The following UBE2E2 variants were observed in gnomAD, a reference collection of about 807,000 sequenced individuals.
The protein encoded by UBE2E2 is ubiquitin-conjugating enzyme E2 E2.
Under a neutral mutation model 24.7 loss-of-function variants are expected in UBE2E2, and 6 were observed. The ratio of observed to expected loss-of-function variants is 0.24; its 90% CI spans 0.13 to 0.48. The LOEUF is 0.48. Ranked by LOEUF, UBE2E2 falls within the 20% of genes least tolerant of loss-of-function variation. The pLI is 0.99. For missense variants in UBE2E2, 169 were observed against 245.0 expected, an observed-to-expected ratio of 0.69 and a Z score of 2.07; for synonymous variants, 104 against 83.6, an observed-to-expected ratio of 1.24 and a Z score of -1.33.
intron 4 of UBE2E2, among the ~76,000 whole-genome samples, chr3:23,531,338 CTTAAAA>C (rs1478081498): frequency 2.6e-5 from 4 of 152,186 alleles, no homozygotes. Context: ...TATATTTCAA[CTTAAAA>C]TTTAAGAACA....
chr3:23,413,172 T>G (rs1428474332), intron 3 of UBE2E2, among the ~76,000 whole-genome samples: 1 of 150,668 alleles, frequency 6.6e-6, no homozygotes, highest in African/African-American at 2.5e-5. Flanking sequence ...ATTGTGCACA[T>G]GTACCCTAAA....
At chr3:23,518,678 A>G (rs1694797312) in intron 4 of UBE2E2, among the ~76,000 whole-genome samples, 1 of 152,110 alleles carries the variant, frequency 6.6e-6, no homozygotes, top group Non-Finnish European at 1.5e-5. Context: ...TGCAGGCTTG[A>G]TGGGAACTGG....
intron 3 of UBE2E2, among the ~76,000 whole-genome samples, chr3:23,470,056 C>G (rs538862402): frequency 9.9e-5 from 15 of 152,274 alleles, no homozygotes; most frequent in Admixed American, 2.6e-4. Flanking sequence ...CATGGGAAGA[C>G]TTAAGAGCAT....
intron 3 of UBE2E2, among the ~76,000 whole-genome samples, chr3:23,412,565 G>A (rs147938505): frequency 1.3e-5 from 2 of 152,166 alleles, no homozygotes; most frequent in Admixed American, 6.5e-5. Context: ...TGGAATGCCA[G>A]TTCTTCAAGA....
Position 23,576,808 on chromosome 3 carries a change from G to A in UBE2E2, c.509-12926G>A, listed in dbSNP as rs77103453. On this transcript the variant is annotated intron_variant, in intron 5 of 5. Transcript: ENST00000396703. ...GGCTCAATAAATATTTGTTGAATGA[G>A]TGCATGGGCTCCCGTCCAGTGAGAA... Among the ~76,000 whole-genome samples, 242 of 152,310 alleles carry A rather than the reference G, an allele frequency of 1.6e-3. 5 individuals carry two copies. The highest frequency in any genetic ancestry group is 0.015 in the East Asian group (79 of 5,184).
At chr3:23,350,313 C>A (rs1695704014) in intron 3 of UBE2E2, among the ~76,000 whole-genome samples, 1 of 152,136 alleles carries the variant, frequency 6.6e-6, no homozygotes, top group Non-Finnish European at 1.5e-5. Context: ...ACTGGAAACC[C>A]TAAAAAGCAG....
intron 3 of UBE2E2, among the ~76,000 whole-genome samples, chr3:23,370,058 A>G (rs557937187): frequency 6.6e-6 from 1 of 152,214 alleles, no homozygotes; most frequent in East Asian, 1.9e-4. Context: ...CTCAAAAGCT[A>G]TATCAACGCA....
chr3:23,273,373 A>C (rs141574462), intron 3 of UBE2E2, among the ~76,000 whole-genome samples: 4,365 of 151,242 alleles, frequency 0.029, 107 homozygotes, highest in East Asian at 0.13. Flanking sequence ...TAAAAATACA[A>C]AAAAAAAATT....
chr3:23,549,782 C>T (rs916005130), intron 5 of UBE2E2, among the ~76,000 whole-genome samples: 1 of 152,042 alleles, frequency 6.6e-6, no homozygotes, highest in South Asian at 2.1e-4. Flanking sequence ...CCTGTAATCC[C>T]GGCACTTTGG....
chr3:23,214,660 T>A (rs1380599278), intron 2 of UBE2E2, among the ~76,000 whole-genome samples: 1 of 152,146 alleles, frequency 6.6e-6, no homozygotes, highest in Non-Finnish European at 1.5e-5. Context: ...TTTTTTATGT[T>A]AAAAATAGTT....
intron 4 of UBE2E2, among the ~76,000 whole-genome samples, chr3:23,517,976 T>TG (rs1389937388): frequency 6.6e-6 from 1 of 151,818 alleles, no homozygotes; most frequent in Non-Finnish European, 1.5e-5. Flanking sequence ...AAATGGGAAT[T>TG]TTTTTTTTCA....
At chr3:23,326,593 CA>C (rs1031562664) in intron 3 of UBE2E2, among the ~76,000 whole-genome samples, 17 of 151,892 alleles carry the variant, frequency 1.1e-4, no homozygotes, top group African/African-American at 3.9e-4. Context: ...ATATCCTATA[CA>C]AAAAAAAGTA....
chr3:23,354,471 G>A (rs534908037), intron 3 of UBE2E2, among the ~76,000 whole-genome samples: 63 of 152,174 alleles, frequency 4.1e-4, no homozygotes, highest in East Asian at 3.3e-3. Flanking sequence ...GAAAATTTTC[G>A]CAACCTACTC....
At chr3:23,495,794 G>T (rs1280308889) in intron 3 of UBE2E2, among the ~76,000 whole-genome samples, 4 of 152,148 alleles carry the variant, frequency 2.6e-5, no homozygotes, top group African/African-American at 9.7e-5. Context: ...CCAGCCTCAG[G>T]AAAAGGAGGT....
At chr3:23,304,995 A>T (rs1699202420) in intron 3 of UBE2E2, among the ~76,000 whole-genome samples, 1 of 152,164 alleles carries the variant, frequency 6.6e-6, no homozygotes. Context: ...CCACATGTTG[A>T]TACATTTCAT....
At chr3:23,303,996 C>T (rs1053771736) in intron 3 of UBE2E2, among the ~76,000 whole-genome samples, 1 of 152,214 alleles carries the variant, frequency 6.6e-6, no homozygotes, top group Non-Finnish European at 1.5e-5. Context: ...GGGCACTGGG[C>T]TTTAGCACAG....
chr3:23,350,417 T>C (rs1055697112), intron 3 of UBE2E2, among the ~76,000 whole-genome samples: 4 of 152,142 alleles, frequency 2.6e-5, no homozygotes, highest in Admixed American at 6.5e-5. Context: ...AGAAGAAGGC[T>C]TCAGACAATC....
intron 3 of UBE2E2, among the ~76,000 whole-genome samples, chr3:23,229,030 A>G (rs778843085): frequency 4.6e-5 from 7 of 152,088 alleles, no homozygotes; most frequent in Non-Finnish European, 1.0e-4. Flanking sequence ...TTCCGCTACC[A>G]TCACTTCTCC....
intron 3 of UBE2E2, among the ~76,000 whole-genome samples, chr3:23,391,395 G>A (rs751396471): frequency 1.1e-4 from 16 of 152,166 alleles, no homozygotes; most frequent in Non-Finnish European, 2.2e-4. Flanking sequence ...GTATGCCTGT[G>A]TATTAGCACA....
Sources: allele counts gnomAD v4.1 joint callset (sites outside exome capture counted in the v4.1 genomes callset), GRCh38; gene constraint gnomAD v4.1.1; transcripts MANE v1.5; gene names NCBI Gene and HGNC (gene_info 2026-07-23, HGNC 2026-07-21).